The following HMCN1 variants were observed in gnomAD, a reference collection of about 807,000 sequenced individuals.
The protein encoded by HMCN1 is hemicentin-1.
In HMCN1, 321 loss-of-function variants were observed where a neutral mutation model predicts 625.9. That is an observed-to-expected ratio of 0.51 (90% CI 0.47 to 0.56). The LOEUF (loss-of-function observed/expected upper bound fraction) is 0.56. HMCN1 is among the 20% of genes least tolerant of loss of function. The pLI is 0.00. For synonymous variants in HMCN1, 2,425 were observed against 2,417.6 expected (o/e 1.00, Z -0.09); for missense variants, 6,588 against 6,887.3 (o/e 0.96, Z 1.54).
Position 185,984,035 on chromosome 1 carries a change from A to T in HMCN1, c.2791-134A>T, listed in dbSNP as rs1191777907. On this transcript the variant is annotated intron_variant, in intron 18 of 106. Coordinates refer to ENST00000271588, the MANE Select transcript of HMCN1 (RefSeq NM_031935.3). Reference sequence around the variant, plus strand: ...GTAACATTTATGCTCATCGTTCTTCACTTAAGGACATTAGAATATTTTGTT... The same window carrying T: ...GTAACATTTATGCTCATCGTTCTTCTCTTAAGGACATTAGAATATTTTGTT... 6.0e-6 allele frequency: 4 copies of T among 664,186 alleles called. No individual in the cohort carries two copies. In the East Asian group the frequency reaches 1.1e-4, roughly 18 times the overall value. 41.1% of individuals were successfully genotyped at this position (664,186 alleles called of 1,614,324 possible).
At chr1:185,824,159 C>T (rs539855339) in intron 1 of HMCN1, among the ~76,000 whole-genome samples, 1 of 152,204 alleles carries the variant, frequency 6.6e-6, no homozygotes, top group South Asian at 2.1e-4. Context: ...TCTGAATAAC[C>T]CTGACAAGGT....
intron 2 of HMCN1, among the ~76,000 whole-genome samples, chr1:185,849,948 T>C (rs1662064461): frequency 6.6e-6 from 1 of 151,698 alleles, no homozygotes; most frequent in Non-Finnish European, 1.5e-5. Context: ...TCTTTGCCAC[T>C]TTGGATGTCC....
intron 97 of HMCN1, among the ~76,000 whole-genome samples, chr1:186,160,057 C>G (rs1349229891): frequency 1.3e-5 from 2 of 150,972 alleles, no homozygotes; most frequent in Non-Finnish European, 3.0e-5. Context: ...GTCCTGGACT[C>G]TTTTTGGTTG....
chr1:185,776,450 G>C (rs1446469819), intron 1 of HMCN1, among the ~76,000 whole-genome samples: 3 of 147,752 alleles, frequency 2.0e-5, no homozygotes, highest in African/African-American at 4.9e-5. Context: ...GGTTGTGTGT[G>C]TGTGTGTGTG....
chr1:186,136,083 G>A (rs189140543), intron 86 of HMCN1, among the ~76,000 whole-genome samples: 43 of 152,250 alleles, frequency 2.8e-4, no homozygotes, highest in African/African-American at 7.9e-4. Flanking sequence ...GGCTGAGGCC[G>A]GAGAATTGCT....
rs963532526 is a variant in HMCN1 at position 185,902,389 on chromosome 1, C to T, written c.622-6948C>T. ...TCCCATGTGCTATGTCTCTATCTAT[C>T]TATCTATCTATCTATCTCTATCTAT... On this transcript the variant is annotated intron_variant, in intron 4 of 106. Transcript: ENST00000271588. 2.1e-5 allele frequency among the ~76,000 whole-genome samples: 3 copies of T among 142,944 alleles called. No individual in the cohort carries two copies. The East Asian group carries it at 5.9e-4, about 28-fold the overall frequency. The allele number at this position is 142,944 out of a possible 152,430, so 93.8% of individuals were successfully genotyped here.
At chr1:186,018,135 G>C (rs1654482344) in intron 33 of HMCN1, 48 bp from the exon 34 acceptor site, 2 of 1,449,994 alleles carry the variant, frequency 1.4e-6, no homozygotes, top group Non-Finnish European at 1.9e-6. Context: ...TCTAGGATAT[G>C]ATTTACTTAA....
In HMCN1 at chr1:185,771,112, C is replaced by T. The variant is rs566831231; in HGVS notation, c.268+36065C>T. 2.0e-5 allele frequency among the ~76,000 whole-genome samples: 3 copies of T among 152,274 alleles called. No homozygotes were observed. The East Asian group carries it at 5.8e-4, about 29-fold the overall frequency. ...AGGATTTAGCGATGTGTTATCAGGG[C>T]ACTAAGTATGTCTTTTTAATGTTTA... On this transcript the variant is annotated intron_variant, in intron 1 of 106. Coordinates refer to ENST00000271588, the MANE Select transcript of HMCN1 (RefSeq NM_031935.3).
Position 186,103,577 on chromosome 1 carries a change from T to C in HMCN1, c.10679T>C (p.Met3560Thr), listed in dbSNP as rs1410323598. 6.2e-7 allele frequency: 1 copy of C among 1,613,882 alleles called. No homozygotes were observed. Among genetic ancestry groups the C allele is most frequent in the Non-Finnish European group, 8.5e-7 (1 of 1,179,836 alleles). ...CIASGIPAPK[M>T]TWMKDGRPLP... ...GCTTCTGGAATCCCAGCCCCTAAAA[T>C]GACCTGGATGAAAGATGGCCGGCCC... Residue 3560 changes from methionine to threonine, a missense_variant, in exon 69 of 107, where the codon ATG becomes ACG. Around this residue, in one of 3 missense-constraint regions of HMCN1, gnomAD observed 4,628 missense variants for 4,853.1 expected, o/e 0.95. Transcript: ENST00000271588.
intron 97 of HMCN1, among the ~76,000 whole-genome samples, chr1:186,160,704 G>T (rs1237928986): frequency 1.3e-5 from 2 of 152,300 alleles, no homozygotes; most frequent in African/African-American, 4.8e-5. Flanking sequence ...GGAGCAGGTT[G>T]TTCAGTTTCC....
chr1:185,856,650 G>A (rs1662486107), intron 2 of HMCN1, among the ~76,000 whole-genome samples: 2 of 152,088 alleles, frequency 1.3e-5, no homozygotes, highest in South Asian at 2.1e-4. Flanking sequence ...GCAAACTCTA[G>A]TAGGTTATAC....
At chr1:185,736,392 C>G (rs540697657) in intron 1 of HMCN1, among the ~76,000 whole-genome samples, 125 of 151,912 alleles carry the variant, frequency 8.2e-4, no homozygotes, top group African/African-American at 2.9e-3. Context: ...CTGTCTTAGA[C>G]ACTTCATATG....
chr1:186,052,171 TG>T (rs1656999984), intron 42 of HMCN1, among the ~76,000 whole-genome samples: 1 of 151,444 alleles, frequency 6.6e-6, no homozygotes, highest in Non-Finnish European at 1.5e-5. Flanking sequence ...AGAAATAAAT[TG>T]GTTATATGAG....
At chr1:185,945,988 A>G (rs1185061713) in intron 11 of HMCN1, among the ~76,000 whole-genome samples, 1 of 152,208 alleles carries the variant, frequency 6.6e-6, no homozygotes, top group African/African-American at 2.4e-5. Flanking sequence ...GGCTGGATGA[A>G]AAAGGAAGAA....
chr1:186,089,049 T>C (rs775346743), intron 63 of HMCN1, among the ~76,000 whole-genome samples: 4 of 152,012 alleles, frequency 2.6e-5, no homozygotes, highest in African/African-American at 4.8e-5. Flanking sequence ...TATACTTATT[T>C]TAAACTGGTA....
At chr1:185,910,304 C>T (rs1040514717) in intron 5 of HMCN1, among the ~76,000 whole-genome samples, 6 of 152,030 alleles carry the variant, frequency 3.9e-5, no homozygotes, top group African/African-American at 1.4e-4. Context: ...GCCACAAACA[C>T]ATTGAAATTT....
At chr1:185,968,354 CACTA>C (rs1338322064) in intron 14 of HMCN1, among the ~76,000 whole-genome samples, 6 of 152,062 alleles carry the variant, frequency 3.9e-5, no homozygotes, top group Admixed American at 6.5e-5. Context: ...CCACTCTTCT[CACTA>C]ACTTTCTCAT....
intron 10 of HMCN1, among the ~76,000 whole-genome samples, chr1:185,932,785 C>T (rs1047353944): frequency 1.3e-5 from 2 of 152,028 alleles, no homozygotes; most frequent in African/African-American, 4.8e-5. Flanking sequence ...CACCATGGCA[C>T]ACGTATACCT....
chr1:186,112,868 T>C lies in HMCN1; in HGVS notation c.11046T>C (p.Ala3682=). Residue 3682 remains alanine (A), a synonymous_variant, in exon 72 of 107, where the codon GCT becomes GCC. Transcript: ENST00000271588. ...SGGRYLQINN[A]DLGDTANYTC... is the part of the protein sequence containing the mutation. ...GGAGATACTTGCAAATCAACAATGC[T>C]GACCTAGGTGATACAGCCAATTATA... The C allele has an allele frequency of 2.5e-6, 4 of 1,614,196 alleles. No homozygotes were observed. The highest frequency in any genetic ancestry group is 3.4e-6 in the Non-Finnish European group (4 of 1,180,016).
Sources: allele counts gnomAD v4.1 joint callset (sites outside exome capture counted in the v4.1 genomes callset), GRCh38; gene constraint gnomAD v4.1.1; regional missense constraint gnomAD v4.1.1; transcripts MANE v1.5; gene names NCBI Gene and HGNC (gene_info 2026-07-23, HGNC 2026-07-21).